Variants in B3GALT1 observed in about 807,000 individuals in gnomAD.
B3GALT1 encodes UDP-Gal:betaGlcNAc beta 1,3-galactosyltransferase, polypeptide 1.
B3GALT1 carries 10 observed loss-of-function variants against 23.2 expected under a neutral mutation model. The ratio of observed to expected loss-of-function variants is 0.43; its 90% confidence interval spans 0.27 to 0.73. The LOEUF (loss-of-function observed/expected upper bound fraction) is 0.73, where lower values mean the gene tolerates loss of function less well. Among genes scored for constraint, B3GALT1 ranks in the 30% least tolerant of loss-of-function variants. The pLI, the probability that B3GALT1 is intolerant of heterozygous loss-of-function variation, is 0.21. For synonymous variants in B3GALT1, 156 were observed against 141.5 expected, an observed-to-expected ratio of 1.10 and a Z score of -0.73; for missense variants, 299 against 405.4, an observed-to-expected ratio of 0.74 and a Z score of 2.25.
At chr2:167,715,458 G>A (rs1299539905) in intron 3 of B3GALT1, 13 of 1,606,490 alleles carry the variant, frequency 8.1e-6, no homozygotes, top group African/African-American at 8.0e-5. Context: ...ATCGCCCGTC[G>A]TTCTTCAGTC....
chr2:167,650,886 A>T (rs1685851642), intron 3 of B3GALT1, among the ~76,000 whole-genome samples: 1 of 152,200 alleles, frequency 6.6e-6, no homozygotes, highest in Admixed American at 6.6e-5. Context: ...ATATGCTAAC[A>T]GAAGTAAGCC....
intron 1 of B3GALT1, among the ~76,000 whole-genome samples, chr2:167,419,846 ATAT>A (rs1319478502): frequency 1.3e-5 from 2 of 152,196 alleles, no homozygotes; most frequent in Non-Finnish European, 2.9e-5. Flanking sequence ...TCTCATAATA[ATAT>A]TATTTCCCAG....
In B3GALT1 at chr2:167,635,164, A is replaced by G. The variant is rs145173930; in HGVS notation, c.-409-11745A>G. On this transcript the variant is annotated intron_variant, in intron 2 of 4. Transcript: ENST00000392690. ...AAATTCAACACCCCCTTTATGCTAA[A>G]AACTGTCAATAAACTAGGTATTGAT... Among the ~76,000 whole-genome samples, 944 of 152,280 alleles carry G rather than the reference A, an allele frequency of 6.2e-3. 17 individuals are homozygous for G. Among genetic ancestry groups the G allele is most frequent in the African/African-American group, 0.021 (870 of 41,564 alleles).
At chr2:167,769,158 T>A (rs756064911) in intron 3 of B3GALT1, among the ~76,000 whole-genome samples, 7 of 152,130 alleles carry the variant, frequency 4.6e-5, no homozygotes, top group African/African-American at 7.2e-5. Context: ...AAGCAATCTC[T>A]CTGGGGTACT....
intron 4 of B3GALT1, among the ~76,000 whole-genome samples, chr2:167,835,252 A>T (rs551162671): frequency 6.6e-6 from 1 of 152,230 alleles, no homozygotes; most frequent in African/African-American, 2.4e-5. Context: ...AGGAAGCGCA[A>T]GGGGTCAGGG....
intron 3 of B3GALT1, among the ~76,000 whole-genome samples, chr2:167,678,716 A>G (rs916726858): frequency 2.6e-5 from 4 of 152,240 alleles, no homozygotes; most frequent in African/African-American, 9.6e-5. Flanking sequence ...TAAAACTAAG[A>G]AGGCTAGATC....
At chr2:167,790,976 A>C (rs1688429407) in intron 3 of B3GALT1, among the ~76,000 whole-genome samples, 1 of 152,100 alleles carries the variant, frequency 6.6e-6, no homozygotes, top group Non-Finnish European at 1.5e-5. Flanking sequence ...TTGCCCTTTT[A>C]TGTTGATACG....
At chr2:167,763,933 A>G (rs1410901722) in intron 3 of B3GALT1, among the ~76,000 whole-genome samples, 1 of 152,152 alleles carries the variant, frequency 6.6e-6, no homozygotes, top group African/African-American at 2.4e-5. Context: ...GAGGTAAAAC[A>G]TGACCTAGAG....
intron 3 of B3GALT1, among the ~76,000 whole-genome samples, chr2:167,755,665 T>C (rs1687804619): frequency 6.6e-6 from 1 of 151,952 alleles, no homozygotes; most frequent in South Asian, 2.1e-4. Context: ...AGGAGCTATT[T>C]GCCTTTCAAA....
At chr2:167,827,378 C>G (rs777353927) in intron 4 of B3GALT1, among the ~76,000 whole-genome samples, 3 of 152,182 alleles carry the variant, frequency 2.0e-5, no homozygotes, top group African/African-American at 7.2e-5. Flanking sequence ...GCTGAGCACA[C>G]GGTCAGTTGG....
chr2:167,745,187 T>C (rs1479770750), intron 3 of B3GALT1, among the ~76,000 whole-genome samples: 1 of 152,196 alleles, frequency 6.6e-6, no homozygotes, highest in African/African-American at 2.4e-5. Context: ...AATATGCATA[T>C]TTAATAAAGT....
intron 2 of B3GALT1, among the ~76,000 whole-genome samples, chr2:167,592,110 C>A (rs192288917): frequency 4.7e-4 from 71 of 152,220 alleles, no homozygotes; most frequent in Non-Finnish European, 5.3e-4. Flanking sequence ...ATGGGAGGTG[C>A]AAGTTTGGAG....
chr2:167,835,786 G>A (rs1257037378), intron 4 of B3GALT1, among the ~76,000 whole-genome samples: 2 of 152,184 alleles, frequency 1.3e-5, no homozygotes, highest in Non-Finnish European at 2.9e-5. Context: ...CCAAGTAGGG[G>A]CAGACTGACA....
chr2:167,702,150 G>C (rs1686890405), intron 3 of B3GALT1, among the ~76,000 whole-genome samples: 1 of 152,068 alleles, frequency 6.6e-6, no homozygotes, highest in Admixed American at 6.5e-5. Flanking sequence ...CTCCCTTCAT[G>C]GCTTCCTGAG....
intron 4 of B3GALT1, among the ~76,000 whole-genome samples, chr2:167,845,810 G>T (rs1349788713): frequency 6.6e-6 from 1 of 151,858 alleles, no homozygotes; most frequent in Non-Finnish European, 1.5e-5. Flanking sequence ...GTTAACTAGG[G>T]AGGCACCAGA....
intron 3 of B3GALT1, among the ~76,000 whole-genome samples, chr2:167,675,715 A>G (rs1165559350): frequency 1.3e-5 from 2 of 152,178 alleles, no homozygotes; most frequent in African/African-American, 4.8e-5. Flanking sequence ...CAGTAGCTCC[A>G]CTACTGAGAA....
At chr2:167,500,095 A>G (rs1461114502) in intron 2 of B3GALT1, among the ~76,000 whole-genome samples, 1 of 152,060 alleles carries the variant, frequency 6.6e-6, no homozygotes. Context: ...TTTTTCTGAG[A>G]AAAACATCCA....
chr2:167,745,006 T>C (rs1687631752), intron 3 of B3GALT1, among the ~76,000 whole-genome samples: 2 of 152,218 alleles, frequency 1.3e-5, no homozygotes, highest in South Asian at 4.1e-4. Context: ...GCTAATATAC[T>C]TGGACTTATT....
At chr2:167,311,470 A>T (rs1347268221) in intron 1 of B3GALT1, among the ~76,000 whole-genome samples, 6 of 152,068 alleles carry the variant, frequency 3.9e-5, no homozygotes, top group Non-Finnish European at 7.4e-5. Flanking sequence ...TTATTCTTGC[A>T]TCTCTTTTGT....
Sources: allele counts gnomAD v4.1 joint callset (sites outside exome capture counted in the v4.1 genomes callset), GRCh38; gene constraint gnomAD v4.1.1; transcripts MANE v1.5; gene names NCBI Gene and HGNC (gene_info 2026-07-23, HGNC 2026-07-21).